The following CHRDL1 variants were observed in gnomAD, a reference collection of about 807,000 sequenced individuals.
CHRDL1 encodes chordin like 1, also known as chordin-like protein 1.
A neutral mutation model predicts 40.9 loss-of-function variants in CHRDL1; 19 were observed. The observed-to-expected ratio is 0.46, with a 90% CI of 0.32 to 0.68. The LOEUF (loss-of-function observed/expected upper bound fraction) is 0.68, where lower values mean the gene tolerates loss of function less well. Among genes scored for constraint, CHRDL1 ranks in the 30% least tolerant of loss-of-function variants. CHRDL1 has a pLI of 0.03. For missense variants in CHRDL1, 329 were observed against 352.1 expected (o/e 0.93, Z 0.53); for synonymous variants, 136 against 123.4 (o/e 1.10, Z -0.68).
chrX:110,733,634 G>A lies in CHRDL1; in HGVS notation c.302-12104C>T, dbSNP rs1246456395. On this transcript the variant is annotated intron_variant, in intron 4 of 11. Coordinates refer to ENST00000372042, the MANE Select transcript of CHRDL1 (RefSeq NM_001143981.2). ...TTAGAACACAGCATGCTGGCTGGGCGCAGTGGCTCATGACTGTAATCCCAG... is the reference window on the plus strand; with the variant it reads ...TTAGAACACAGCATGCTGGCTGGGCACAGTGGCTCATGACTGTAATCCCAG... Among the ~76,000 whole-genome samples, 5 of 111,616 alleles carry A rather than the reference G, an allele frequency of 4.5e-5. No homozygotes were observed. In the East Asian group the frequency reaches 1.1e-3, roughly 25 times the overall value.
chrX:110,775,038 G>A (rs2089830003), intron 2 of CHRDL1, among the ~76,000 whole-genome samples: 1 of 111,916 alleles, frequency 8.9e-6, no homozygotes, highest in South Asian at 3.8e-4. Context: ...AGAAGATGGA[G>A]CTGCATTTTC....
intron 4 of CHRDL1, among the ~76,000 whole-genome samples, chrX:110,738,432 T>C (rs1238643446): frequency 5.4e-5 from 6 of 111,652 alleles, no homozygotes; most frequent in Non-Finnish European, 9.4e-5. Flanking sequence ...CATGAAGTAA[T>C]TGAAAATAGA....
At chrX:110,741,088 GT>G (rs1182463282) in intron 4 of CHRDL1, among the ~76,000 whole-genome samples, 1 of 111,624 alleles carries the variant, frequency 9.0e-6, no homozygotes, top group Non-Finnish European at 1.9e-5. Flanking sequence ...GAAATCCAAT[GT>G]GCACTGCCAC....
intron 9 of CHRDL1, 100 bp from the exon 10 acceptor site, chrX:110,681,749 T>A (rs996198733): frequency 1.7e-6 from 1 of 595,557 alleles, no homozygotes; most frequent in African/African-American, 2.3e-5. Flanking sequence ...CTCACACTTA[T>A]CAAAAGTGGA....
In CHRDL1 at chrX:110,782,881, C is replaced by T. The variant is rs551818928; in HGVS notation, c.94+9207G>A. 1.4e-4 allele frequency among the ~76,000 whole-genome samples: 16 copies of T among 112,225 alleles called. No homozygotes were observed. In the South Asian group the frequency reaches 6.0e-3, roughly 42 times the overall value. On this transcript the variant is annotated intron_variant, in intron 2 of 11. Transcript: ENST00000372042. ...AAATATCTTACTCAAACACTAACTG[C>T]TGATAGAAACCTGATCTAAAATGAA... is the stretch of plus-strand genomic sequence containing the variant.
chrX:110,689,398 ATATATATCTATATATCTATATATATC>A lies in CHRDL1; in HGVS notation c.779-621_779-596del, dbSNP rs2070109570. Among the ~76,000 whole-genome samples, 12 of 58,186 alleles carry A rather than the reference ATATATATCTATATATCTATATATATC, an allele frequency of 2.1e-4. 2 individuals are homozygous for A. In the South Asian group the frequency reaches 2.3e-3, roughly 11 times the overall value. 50.5% of individuals were successfully genotyped at this position (58,186 alleles called of 115,157 possible). ...AGGCATGAGCCACCGCACCCAGCCT[ATATATATCTATATATCTATATATATC>A]TATATATCTATATATCTATATATAT... On this transcript the variant is annotated intron_variant, in intron 8 of 11. Transcript: ENST00000372042.
intron 9 of CHRDL1, among the ~76,000 whole-genome samples, chrX:110,682,202 A>G (rs1204700906): frequency 8.9e-6 from 1 of 112,216 alleles, no homozygotes; most frequent in Admixed American, 9.5e-5. Context: ...TTGGCTTGAC[A>G]TTTCTGAATG....
intron 6 of CHRDL1, among the ~76,000 whole-genome samples, chrX:110,705,935 A>G (rs781375726): frequency 3.6e-5 from 4 of 110,474 alleles, no homozygotes; most frequent in African/African-American, 9.8e-5. Flanking sequence ...TCAATGTTCT[A>G]TTAAGTCTAT....
intron 2 of CHRDL1, among the ~76,000 whole-genome samples, chrX:110,779,587 C>A (rs1028939885): frequency 2.7e-5 from 3 of 111,474 alleles, no homozygotes; most frequent in African/African-American, 9.7e-5. Flanking sequence ...TATCTCATAA[C>A]TTTGATTACC....
Position 110,721,371 on chromosome X carries a change from A to G in CHRDL1, c.447+14T>C. 1 of 1,207,218 alleles carries G rather than the reference A, an allele frequency of 8.3e-7. No homozygotes were observed. Among genetic ancestry groups the G allele is most frequent in the Non-Finnish European group, 1.1e-6 (1 of 891,056 alleles). On this transcript the variant is annotated intron_variant, in intron 5 of 11. Coordinates refer to ENST00000372042, the MANE Select transcript of CHRDL1 (RefSeq NM_001143981.2). The stretch of plus-strand genomic sequence containing the variant: ...AGTAGGGCCTAGCAGGAATGTTAAG[A>G]TGTAGGGTCTTACCGAACAGCTGCA...
intron 4 of CHRDL1, among the ~76,000 whole-genome samples, chrX:110,747,304 C>CA (rs762867542): frequency 2.7e-5 from 3 of 109,298 alleles, no homozygotes; most frequent in Non-Finnish European, 5.7e-5. Flanking sequence ...TCCAAGAGCC[C>CA]ACTTAGAGGA....
Position 110,759,723 on chromosome X carries a change from C to T in CHRDL1, c.239G>A (p.Cys80Tyr), listed in dbSNP as rs770074732. ...NGNVLCSRVRCPNVHCLSPVH... is the reference protein window; with the variant it reads ...NGNVLCSRVRYPNVHCLSPVH... Reference sequence around the variant, plus strand: ...AGGAGAAAGGCAATGAACATTTGGACATCTGACTCGGCTGCAAAGCACATT... The same window carrying T: ...AGGAGAAAGGCAATGAACATTTGGATATCTGACTCGGCTGCAAAGCACATT... The change falls in exon 4 of 12, where the codon TGT becomes TAT. Residue 80 changes from cysteine (C) to tyrosine (Y), a missense_variant. Cys to Tyr is a radical substitution (Grantham distance 194, BLOSUM62 -2). Coordinates refer to ENST00000372042, the MANE Select transcript of CHRDL1 (RefSeq NM_001143981.2). The T allele has an allele frequency of 8.3e-7, 1 of 1,203,620 alleles. No individual in the cohort carries two copies. The highest frequency in any genetic ancestry group is 3.0e-5 in the East Asian group (1 of 33,783).
chrX:110,699,181 C>T (rs769983539), intron 7 of CHRDL1, among the ~76,000 whole-genome samples: 1 of 111,999 alleles, frequency 8.9e-6, no homozygotes, highest in Non-Finnish European at 1.9e-5. Context: ...CAGCAGTGTT[C>T]AGAAAATAAT....
intron 4 of CHRDL1, among the ~76,000 whole-genome samples, chrX:110,730,276 A>C (rs1408764705): frequency 9.0e-6 from 1 of 111,610 alleles, no homozygotes; most frequent in Non-Finnish European, 1.9e-5. Context: ...GTAACTAGAG[A>C]TTCACTTCTG....
chrX:110,783,907 C>T (rs1052758898), intron 2 of CHRDL1, among the ~76,000 whole-genome samples: 5 of 111,884 alleles, frequency 4.5e-5, no homozygotes, highest in Admixed American at 9.5e-5. Context: ...AAAACATTCC[C>T]AAGAACTGTT....
chrX:110,780,530 T>C (rs1222512712), intron 2 of CHRDL1, among the ~76,000 whole-genome samples: 1 of 111,805 alleles, frequency 8.9e-6, no homozygotes, highest in Admixed American at 9.5e-5. Context: ...TTTCCATTTC[T>C]TTCCATTAAA....
At chrX:110,680,536 A>G (rs143764215) in intron 10 of CHRDL1, among the ~76,000 whole-genome samples, 3,499 of 111,984 alleles carry the variant, frequency 0.031, 142 homozygotes, top group African/African-American at 0.11. Flanking sequence ...GCTATTTGTT[A>G]AACACTCAAA....
chrX:110,741,041 A>C (rs2071351431), intron 4 of CHRDL1, among the ~76,000 whole-genome samples: 1 of 112,147 alleles, frequency 8.9e-6, no homozygotes, highest in African/African-American at 3.2e-5. Context: ...GTCTAGAAGA[A>C]GCCAAAGGAA....
chrX:110,699,888 T>C (rs889692460), intron 7 of CHRDL1, among the ~76,000 whole-genome samples: 1 of 112,637 alleles, frequency 8.9e-6, no homozygotes, highest in Admixed American at 9.4e-5. Flanking sequence ...TGTCCTTGCA[T>C]ACTTTTTTTG....
Sources: gnomAD v4.1 joint callset for allele counts (sites outside exome capture counted in the v4.1 genomes callset) on GRCh38, gnomAD v4.1.1 for gene constraint, MANE v1.5 for transcripts, NCBI Gene and HGNC (gene_info 2026-07-23, HGNC 2026-07-21) for gene names.